The following GDA variants were observed in gnomAD, a reference collection of about 807,000 sequenced individuals.
The protein encoded by GDA is cytoplasmic PSD-95 interactor.
In GDA, 18 loss-of-function variants were observed where a neutral mutation model predicts 59.6. That is an observed-to-expected ratio of 0.30 (90% confidence interval 0.21 to 0.45). The LOEUF (loss-of-function observed/expected upper bound fraction) is 0.45, where lower values mean the gene tolerates loss of function less well. Among genes scored for constraint, GDA ranks in the 20% least tolerant of loss-of-function variants. The pLI is 1.00. For missense variants in GDA, 427 were observed against 552.3 expected, an observed-to-expected ratio of 0.77 and a Z score of 2.27; for synonymous variants, 201 against 201.1, an observed-to-expected ratio of 1.00 and a Z score of 0.00.
At chr9:72,118,148 T>C (rs1825524228) in intron 1 of GDA, among the ~76,000 whole-genome samples, 7 of 151,450 alleles carry the variant, frequency 4.6e-5, no homozygotes, top group Admixed American at 4.6e-4. Context: ...GGCAGGCGCC[T>C]GTAGTCCCAG....
At chr9:72,158,191 A>T (rs147404068) in intron 1 of GDA, among the ~76,000 whole-genome samples, 93 of 152,318 alleles carry the variant, frequency 6.1e-4, no homozygotes, top group African/African-American at 2.2e-3. Context: ...TTTTACAGGT[A>T]GTTAAGAACA....
chr9:72,160,258 G>A (rs763207642), intron 1 of GDA, among the ~76,000 whole-genome samples: 1 of 152,130 alleles, frequency 6.6e-6, no homozygotes, highest in Non-Finnish European at 1.5e-5. Context: ...GCAGTGAGCC[G>A]AGATAGCGCT....
intron 1 of GDA, among the ~76,000 whole-genome samples, chr9:72,126,040 C>T (rs904972236): frequency 1.3e-5 from 2 of 152,042 alleles, no homozygotes; most frequent in African/African-American, 4.8e-5. Flanking sequence ...CCTCGGCCTC[C>T]TGAGTAGCTA....
intron 1 of GDA, among the ~76,000 whole-genome samples, chr9:72,129,944 G>C (rs1825970253): frequency 6.6e-6 from 1 of 152,136 alleles, no homozygotes; most frequent in Admixed American, 6.5e-5. Flanking sequence ...ACCAACCTTT[G>C]AGCCAGAGAA....
At chr9:72,214,540 C>T (rs554365859) in intron 5 of GDA, among the ~76,000 whole-genome samples, 13 of 151,864 alleles carry the variant, frequency 8.6e-5, no homozygotes, top group East Asian at 3.9e-4. Flanking sequence ...GTGATCTGCC[C>T]GCCTCGGCCT....
At chr9:72,139,605 A>G (rs2130646828) in intron 1 of GDA, among the ~76,000 whole-genome samples, 1 of 152,246 alleles carries the variant, frequency 6.6e-6, no homozygotes, top group Middle Eastern at 3.4e-3. Flanking sequence ...GGATCACTTG[A>G]GGACAAGAGT....
chr9:72,205,624 T>G (rs1454403865), intron 3 of GDA, among the ~76,000 whole-genome samples: 1 of 152,184 alleles, frequency 6.6e-6, no homozygotes. Flanking sequence ...TGGGTTTGCC[T>G]TATTCAAACT....
intron 2 of GDA, among the ~76,000 whole-genome samples, chr9:72,197,968 C>T (rs955526489): frequency 2.0e-5 from 3 of 152,098 alleles, no homozygotes; most frequent in Non-Finnish European, 4.4e-5. Flanking sequence ...GGACCCTGGA[C>T]AGGTTTGCAG....
intron 1 of GDA, among the ~76,000 whole-genome samples, chr9:72,161,608 A>T (rs764589046): frequency 7.9e-5 from 12 of 152,306 alleles, no homozygotes; most frequent in South Asian, 6.2e-4. Flanking sequence ...ACTTGCAATA[A>T]TGTAGATTAT....
chr9:72,258,243 G>A (rs1182440687), downstream of GDA, among the ~76,000 whole-genome samples: 2 of 151,746 alleles, frequency 1.3e-5, no homozygotes, highest in African/African-American at 4.8e-5. Context: ...GGCCTGAGAG[G>A]TTGTGGCTGC....
At chr9:72,190,469 T>C (rs1219193249) in intron 1 of GDA, among the ~76,000 whole-genome samples, 1 of 152,226 alleles carries the variant, frequency 6.6e-6, no homozygotes, top group Non-Finnish European at 1.5e-5. Context: ...GAATACAGTA[T>C]ATAATACATA....
At position 72,157,007 on chromosome 9, in the gene GDA, C is replaced by A. The variant is rs12341210; in HGVS notation, c.123+7325C>A. Reference sequence around the variant, plus strand: ...TTGAACTACCCCTACCTGGAACTGTCTACTATCAGACTTCTAGACTTCCTT... The same window carrying A: ...TTGAACTACCCCTACCTGGAACTGTATACTATCAGACTTCTAGACTTCCTT... On this transcript the variant is annotated intron_variant, in intron 1 of 13. Coordinates refer to ENST00000358399, the MANE Select transcript of GDA (RefSeq NM_004293.5). Among the ~76,000 whole-genome samples, 412 of 143,738 alleles carry A rather than the reference C, an allele frequency of 2.9e-3. 1 individual carries two copies. Among genetic ancestry groups the A allele is most frequent in the African/African-American group, 0.01 (399 of 38,550 alleles). The allele number at this position is 143,738 out of a possible 152,430, so 94.3% of individuals were successfully genotyped here.
chr9:72,198,257 G>C (rs1833439106), intron 2 of GDA, among the ~76,000 whole-genome samples: 1 of 148,812 alleles, frequency 6.7e-6, no homozygotes, highest in Non-Finnish European at 1.5e-5. Flanking sequence ...AGCCAGGTGT[G>C]GGCCGGGTGC....
intron 1 of GDA, among the ~76,000 whole-genome samples, chr9:72,160,024 G>C (rs1200214636): frequency 6.6e-6 from 1 of 152,124 alleles, no homozygotes; most frequent in Admixed American, 6.5e-5. Context: ...CATCAGCCGG[G>C]CGCGGTGGCT....
chr9:72,159,645 A>G (rs1828361631), intron 1 of GDA, among the ~76,000 whole-genome samples: 3 of 152,228 alleles, frequency 2.0e-5, no homozygotes, highest in African/African-American at 7.2e-5. Flanking sequence ...AATAAAGTGC[A>G]TCATAATCAT....
At chr9:72,170,108 A>C (rs1336358667) in intron 1 of GDA, among the ~76,000 whole-genome samples, 1 of 152,226 alleles carries the variant, frequency 6.6e-6, no homozygotes, top group Non-Finnish European at 1.5e-5. Flanking sequence ...TATGACAAAG[A>C]AGATCATTTT....
At chr9:72,168,228 T>C (rs1433793447) in intron 1 of GDA, among the ~76,000 whole-genome samples, 4 of 151,848 alleles carry the variant, frequency 2.6e-5, no homozygotes, top group East Asian at 3.9e-4. Flanking sequence ...GAGATCCCTC[T>C]GTACAAAACA....
chr9:72,115,745 A>G (rs1825415078), intron 1 of GDA, among the ~76,000 whole-genome samples: 1 of 152,224 alleles, frequency 6.6e-6, no homozygotes, highest in South Asian at 2.1e-4. Context: ...TCCTAAGTAA[A>G]TTGATCCTAA....
chr9:72,198,860 T>C (rs1395023696), intron 2 of GDA, among the ~76,000 whole-genome samples: 1 of 150,470 alleles, frequency 6.6e-6, no homozygotes, highest in African/African-American at 2.5e-5. Flanking sequence ...TATATATATA[T>C]AAAATTTTTT....
Sources: allele counts gnomAD v4.1 joint callset (sites outside exome capture counted in the v4.1 genomes callset), GRCh38; gene constraint gnomAD v4.1.1; transcripts MANE v1.5; gene names NCBI Gene and HGNC (gene_info 2026-07-23, HGNC 2026-07-21).